The following EPHA6 variants were observed in gnomAD, a reference collection of about 807,000 sequenced individuals.
EPHA6 encodes the protein ephrin type-A receptor 6.
In EPHA6, 50 loss-of-function variants were observed where a neutral mutation model predicts 112.0. That is an observed-to-expected ratio of 0.45 (90% CI 0.36 to 0.56). The LOEUF (loss-of-function observed/expected upper bound fraction) is 0.56. EPHA6 is among the 20% of genes least tolerant of loss of function. EPHA6 has a pLI of 0.00. For synonymous variants in EPHA6, 529 were observed against 490.7 expected, an observed-to-expected ratio of 1.08 and a Z score of -1.03; for missense variants, 1,280 against 1,417.4, an observed-to-expected ratio of 0.90 and a Z score of 1.56.
chr3:97,181,859 T>G (rs2076997172), intron 3 of EPHA6, among the ~76,000 whole-genome samples: 1 of 152,110 alleles, frequency 6.6e-6, no homozygotes, highest in Non-Finnish European at 1.5e-5. Flanking sequence ...GTCACCTTCT[T>G]TTCGATGGCT....
At chr3:97,195,399 A>G (rs987822430) in intron 3 of EPHA6, among the ~76,000 whole-genome samples, 4 of 148,710 alleles carry the variant, frequency 2.7e-5, no homozygotes, top group African/African-American at 1.0e-4. Context: ...ACTTCATCCC[A>G]GCCCTTTTAC....
intron 2 of EPHA6, among the ~76,000 whole-genome samples, chr3:96,979,069 TTTTATAC>T (rs1366056998): frequency 6.6e-6 from 1 of 152,184 alleles, no homozygotes; most frequent in Non-Finnish European, 1.5e-5. Flanking sequence ...AATTCTTTTT[TTTTATAC>T]TTTAAAATTT....
At chr3:97,184,033 T>C (rs1251614416) in intron 3 of EPHA6, among the ~76,000 whole-genome samples, 1 of 152,140 alleles carries the variant, frequency 6.6e-6, no homozygotes, top group Admixed American at 6.6e-5. Flanking sequence ...GTTTTATAGA[T>C]AGAATTATAA....
intron 5 of EPHA6, among the ~76,000 whole-genome samples, chr3:97,358,741 G>C (rs1425006079): frequency 6.6e-6 from 1 of 151,930 alleles, no homozygotes; most frequent in Non-Finnish European, 1.5e-5. Context: ...TGCAGAGGAA[G>C]TCTACTCATA....
chr3:97,269,236 C>T (rs1323952511), intron 5 of EPHA6, among the ~76,000 whole-genome samples: 1 of 152,086 alleles, frequency 6.6e-6, no homozygotes, highest in Admixed American at 6.5e-5. Flanking sequence ...TCTGTTTCTT[C>T]CTCTGTTCTT....
chr3:97,470,667 C>CT (rs57650553), intron 7 of EPHA6, among the ~76,000 whole-genome samples: 28,318 of 150,738 alleles, frequency 0.19, 3,957 homozygotes, highest in African/African-American at 0.38. Flanking sequence ...AAGCATTTCA[C>CT]TTTTTTTTTC....
Position 97,224,502 on chromosome 3 carries a change from T to C in EPHA6, c.1115-1762T>C, listed in dbSNP as rs1687079853. ...GTAACAATGTCTTGCTGCACAGAAT[T>C]AAGTTATAAGCACGCTACTTTATAT... On this transcript the variant is annotated intron_variant, in intron 3 of 17. Transcript: ENST00000389672. Among the ~76,000 whole-genome samples, 4 of 152,184 alleles carry C rather than the reference T, an allele frequency of 2.6e-5. No individual in the cohort carries two copies. The South Asian group carries it at 6.2e-4, about 24-fold the overall frequency.
intron 5 of EPHA6, among the ~76,000 whole-genome samples, chr3:97,364,437 T>G (rs1204260205): frequency 6.6e-6 from 1 of 151,736 alleles, no homozygotes; most frequent in Admixed American, 6.6e-5. Context: ...AGGGCAAATT[T>G]GAGGTATAGA....
intron 14 of EPHA6, among the ~76,000 whole-genome samples, chr3:97,669,349 G>A (rs1658146): frequency 0.26 from 36,446 of 140,702 alleles, 4,739 homozygotes; most frequent in East Asian, 0.42. Context: ...GTGTAGATCA[G>A]TGTATCAGTA....
chr3:97,213,654 A>G (rs1465282533), intron 3 of EPHA6, among the ~76,000 whole-genome samples: 1 of 149,074 alleles, frequency 6.7e-6, no homozygotes, highest in Admixed American at 6.7e-5. Flanking sequence ...TGGTAAACTT[A>G]TCATCAGCCC....
At chr3:97,669,450 A>G (rs1204582650) in intron 14 of EPHA6, among the ~76,000 whole-genome samples, 1 of 152,010 alleles carries the variant, frequency 6.6e-6, no homozygotes, top group African/African-American at 2.4e-5. Context: ...CCTGTTTAGA[A>G]AAAATCCAGG....
intron 2 of EPHA6, among the ~76,000 whole-genome samples, chr3:96,964,070 T>C (rs1413222434): frequency 1.3e-5 from 2 of 152,186 alleles, no homozygotes; most frequent in Non-Finnish European, 2.9e-5. Flanking sequence ...GTACATGAGA[T>C]ACTTTGACAT....
At chr3:96,879,819 G>T (rs893684752) in intron 2 of EPHA6, among the ~76,000 whole-genome samples, 1 of 152,024 alleles carries the variant, frequency 6.6e-6, no homozygotes. Flanking sequence ...GTCATTGTTG[G>T]TGCATAGAGT....
intron 12 of EPHA6, among the ~76,000 whole-genome samples, chr3:97,599,512 A>C (rs1189031321): frequency 6.8e-6 from 1 of 147,912 alleles, no homozygotes; most frequent in South Asian, 2.2e-4. Context: ...AGCACCATTT[A>C]TTAAATAGGG....
intron 5 of EPHA6, among the ~76,000 whole-genome samples, chr3:97,377,864 C>T (rs1246126679): frequency 3.3e-5 from 5 of 151,842 alleles, no homozygotes; most frequent in Non-Finnish European, 5.9e-5. Flanking sequence ...GTTAAAAGCA[C>T]TCCACTTTAA....
At chr3:97,290,313 G>A (rs962756996) in intron 5 of EPHA6, among the ~76,000 whole-genome samples, 4 of 152,076 alleles carry the variant, frequency 2.6e-5, no homozygotes, top group East Asian at 1.9e-4. Flanking sequence ...TGGTTGTTAG[G>A]ATTTCAATTT....
intron 5 of EPHA6, among the ~76,000 whole-genome samples, chr3:97,259,348 T>C (rs1365853317): frequency 6.7e-6 from 1 of 148,184 alleles, no homozygotes; most frequent in Non-Finnish European, 1.5e-5. Flanking sequence ...AACCTTATCT[T>C]TTTTTTTGTT....
intron 2 of EPHA6, among the ~76,000 whole-genome samples, chr3:96,883,662 T>C (rs2037452065): frequency 6.6e-6 from 1 of 152,032 alleles, no homozygotes; most frequent in Admixed American, 6.5e-5. Context: ...CACCATTTTG[T>C]TTGGTTTGGT....
chr3:97,672,957 G>T (rs2030998658), intron 14 of EPHA6, among the ~76,000 whole-genome samples: 1 of 152,130 alleles, frequency 6.6e-6, no homozygotes, highest in South Asian at 2.1e-4. Flanking sequence ...AGAAGGAAAT[G>T]GAAACTTCAC....
Sources: gnomAD v4.1 joint callset for allele counts (sites outside exome capture counted in the v4.1 genomes callset) on GRCh38, gnomAD v4.1.1 for gene constraint, MANE v1.5 for transcripts, NCBI Gene and HGNC (gene_info 2026-07-23, HGNC 2026-07-21) for gene names.